The following CLPTM1L variants were observed in gnomAD, a reference collection of about 807,000 sequenced individuals.
CLPTM1L encodes the protein lipid scramblase CLPTM1L.
CLPTM1L carries 38 observed loss-of-function variants against 70.9 expected under a neutral mutation model. The observed-to-expected ratio is 0.54, with a 90% CI of 0.41 to 0.70. The LOEUF is 0.70. Ranked by LOEUF, CLPTM1L falls within the 30% of genes least tolerant of loss-of-function variation. The pLI, the probability that CLPTM1L is intolerant of heterozygous loss-of-function variation, is 0.00. For synonymous variants in CLPTM1L, 339 were observed against 299.9 expected (o/e 1.13, Z -1.35); for missense variants, 652 against 705.9 (o/e 0.92, Z 0.87).
intron 3 of CLPTM1L, among the ~76,000 whole-genome samples, 182 bp downstream of exon 3, chr5:1,341,489 A>C (rs1332821336): frequency 6.6e-6 from 1 of 152,244 alleles, no homozygotes; most frequent in African/African-American, 2.4e-5. Context: ...ACTTGTCTGC[A>C]AACTCATGGA....
At chr5:1,340,318 T>A (rs1392667562) in intron 3 of CLPTM1L, among the ~76,000 whole-genome samples, 3 of 152,098 alleles carry the variant, frequency 2.0e-5, no homozygotes, top group Non-Finnish European at 4.4e-5. Context: ...TGGGGCTGCC[T>A]AAAGGAGACA....
chr5:1,325,810 T>A lies in CLPTM1L; in HGVS notation c.1087A>T (p.Lys363Ter). 1.2e-6 allele frequency: 2 copies of A among 1,613,796 alleles called. No individual in the cohort carries two copies. The highest frequency in any genetic ancestry group is 1.7e-6 in the Non-Finnish European group (2 of 1,179,768). The change falls in exon 10 of 17, where the codon AAA becomes TAA. Residue 363 changes from lysine to a stop codon, truncating the protein, a stop_gained. Transcript: ENST00000320895. LOFTEE classifies it high-confidence loss of function. ...GTCATCTTCAATGCCTTCTTCACTT[T>A]CCACAGCTGAGGGGAGAAATCAGGA... ...AGVGAAIELW[K>*]VKKALKMTIF...
In CLPTM1L at chr5:1,320,537, G is replaced by A. The variant is rs187589377; in HGVS notation, c.1532+79C>T. On this transcript the variant is annotated intron_variant, in intron 16 of 16. Coordinates refer to ENST00000320895, the MANE Select transcript of CLPTM1L (RefSeq NM_030782.5). ...AAATGGATAAACAGGCGCAGGGTGC[G>A]GTGAAAGCCGTCATTCCGTTCAGCA... is the stretch of plus-strand genomic sequence containing the variant. The A allele has an allele frequency of 1.9e-4, 136 of 718,378 alleles. No individual in the cohort carries two copies. In the East Asian group the frequency reaches 3.7e-3, roughly 20 times the overall value. The allele number at this position is 718,378 out of a possible 1,614,324, so 44.5% of individuals were successfully genotyped here.
At chr5:1,334,451 A>T in intron 6 of CLPTM1L, 68 bp from the exon 7 acceptor site, 1 of 1,157,044 alleles carries the variant, frequency 8.6e-7, no homozygotes, top group Non-Finnish European at 1.3e-6. Flanking sequence ...TTACAAATAC[A>T]GTTTTCAATA....
chr5:1,334,804 CAGTT>C (rs1463249115), intron 6 of CLPTM1L, among the ~76,000 whole-genome samples: 2 of 152,176 alleles, frequency 1.3e-5, no homozygotes, highest in Non-Finnish European at 2.9e-5. Flanking sequence ...ATCTCATCAA[CAGTT>C]AAGGTTCATT....
In CLPTM1L at chr5:1,334,342, C is replaced by T. The variant is rs991652138; in HGVS notation, c.838G>A (p.Val280Ile). Reference sequence around the variant, plus strand: ...GCCAGGAAGTATAAGTTGGTATCTACAAAAATTCCTTTCACCTCATCAGCA... The same window carrying T: ...GCCAGGAAGTATAAGTTGGTATCTATAAAAATTCCTTTCACCTCATCAGCA... Reference protein sequence around the residue: ...KDADEVKGIFVDTNLYFLALT... With the variant: ...KDADEVKGIFIDTNLYFLALT... Residue 280 changes from valine to isoleucine, a missense_variant, in exon 7 of 17, where the codon GTA (valine) becomes ATA (isoleucine). Val to Ile is a conservative substitution (Grantham distance 29). Coordinates refer to ENST00000320895, the MANE Select transcript of CLPTM1L (RefSeq NM_030782.5). 1.6e-5 allele frequency: 26 copies of T among 1,613,556 alleles called. No individual in the cohort carries two copies. The highest frequency in any genetic ancestry group is 2.2e-5 in the Non-Finnish European group (26 of 1,179,674).
In CLPTM1L at chr5:1,334,842, A is replaced by C. The variant is rs182938414; in HGVS notation, c.796+215T>G. ...TTTGACCAAACTCATGGCATTTCAC[A>C]TATTATGTTCTTAATAAAGCCAATT... On this transcript the variant is annotated intron_variant, in intron 6 of 16. Transcript: ENST00000320895. Among the ~76,000 whole-genome samples, 26 of 152,374 alleles carry C rather than the reference A, an allele frequency of 1.7e-4. No homozygotes were observed. In the East Asian group the frequency reaches 3.9e-3, roughly 23 times the overall value.
At chr5:1,330,040 C>A (rs897140942) in intron 9 of CLPTM1L, among the ~76,000 whole-genome samples, 1 of 152,076 alleles carries the variant, frequency 6.6e-6, no homozygotes, top group Non-Finnish European at 1.5e-5. Context: ...GGACTCACCA[C>A]TGCTTGGTGG....
chr5:1,328,551 C>T (rs1049139135), intron 9 of CLPTM1L, among the ~76,000 whole-genome samples: 1 of 151,228 alleles, frequency 6.6e-6, no homozygotes, highest in African/African-American at 2.4e-5. Context: ...CCAGCTCCTC[C>T]TCTACGGACA....
chr5:1,333,773 G>A lies in CLPTM1L; in HGVS notation c.891+516C>T, dbSNP rs1477428072. On this transcript the variant is annotated intron_variant, in intron 7 of 16. Transcript: ENST00000320895. ...GACTACTGTATACACACCGGATGAG[G>A]ATAAGGGGGGACTACTGTATACACA... Among the ~76,000 whole-genome samples the A allele has an allele frequency of 3.3e-5, 5 of 152,108 alleles. No homozygotes were observed. In the East Asian group the frequency reaches 7.7e-4, roughly 23 times the overall value.
chr5:1,338,227 G>C (rs1389029947), intron 4 of CLPTM1L: 1 of 569,880 alleles, frequency 1.8e-6, no homozygotes, highest in Non-Finnish European at 3.2e-6. Flanking sequence ...TGCCTCCACG[G>C]CCACTAGGAG....
At chr5:1,328,905 A>G (rs1215902974) in intron 9 of CLPTM1L, among the ~76,000 whole-genome samples, 2 of 150,562 alleles carry the variant, frequency 1.3e-5, no homozygotes, top group African/African-American at 2.5e-5. Context: ...CCTCCTCTAC[A>G]GACACATTTC....
At chr5:1,333,041 C>T (rs1753222250) in intron 7 of CLPTM1L, among the ~76,000 whole-genome samples, 3 of 122,110 alleles carry the variant, frequency 2.5e-5, no homozygotes, top group East Asian at 5.3e-4. Context: ...GGGGGGACTA[C>T]TGTATACACA....
At chr5:1,320,433 C>A in intron 16 of CLPTM1L, 183 bp downstream of exon 16, 1 of 487,164 alleles carries the variant, frequency 2.1e-6, no homozygotes, top group Non-Finnish European at 3.6e-6. Flanking sequence ...AGTTTCTTGC[C>A]AGGACATATC....
At chr5:1,323,906 A>G in intron 11 of CLPTM1L, 37 bp from the exon 12 acceptor site, 1 of 1,485,600 alleles carries the variant, frequency 6.7e-7, no homozygotes, top group South Asian at 1.1e-5. Context: ...TTAGAGGCCC[A>G]AACGCCAAGC....
At chr5:1,320,534 TGCGGTGAAA>T (rs1227774920) in intron 16 of CLPTM1L, 73 bp downstream of exon 16, 6 of 685,598 alleles carry the variant, frequency 8.8e-6, no homozygotes, top group Non-Finnish European at 1.4e-5. Context: ...AGGCGCAGGG[TGCGGTGAAA>T]GCCGTCATTC....
chr5:1,322,718 G>A (rs779603551), intron 13 of CLPTM1L, 159 bp downstream of exon 13: 7 of 744,856 alleles, frequency 9.4e-6, no homozygotes, highest in Admixed American at 6.1e-5. Context: ...CTCACAGCCT[G>A]GGGGGAGCCC....
At chr5:1,341,634 G>C in intron 3 of CLPTM1L, 37 bp downstream of exon 3, 1 of 1,545,444 alleles carries the variant, frequency 6.5e-7, no homozygotes, top group South Asian at 1.2e-5. Flanking sequence ...TGACGGAGAG[G>C]CACAGCCTGT....
intron 3 of CLPTM1L, among the ~76,000 whole-genome samples, chr5:1,340,487 G>C (rs1236686725): frequency 6.6e-6 from 1 of 152,124 alleles, no homozygotes; most frequent in Non-Finnish European, 1.5e-5. Context: ...CATTACAAAC[G>C]GTTTTCCACA....
Sources: gnomAD v4.1 joint callset for allele counts (sites outside exome capture counted in the v4.1 genomes callset) on GRCh38, gnomAD v4.1.1 for gene constraint, MANE v1.5 for transcripts, NCBI Gene and HGNC (gene_info 2026-07-23, HGNC 2026-07-21) for gene names.